The following RERG variants were observed in gnomAD, a reference collection of about 807,000 sequenced individuals.
RERG encodes the protein RAS like estrogen regulated growth inhibitor, also known as ras-related and estrogen-regulated growth inhibitor.
RERG carries 25 observed loss-of-function variants against 23.2 expected under a neutral mutation model. That is an observed-to-expected ratio of 1.08 (90% CI 0.79 to 1.50). The LOEUF is 1.50. Ranked by LOEUF, RERG falls within the 40% of genes most tolerant of loss-of-function variation. The pLI is 0.00. For synonymous variants in RERG, 81 were observed against 89.1 expected (o/e 0.91, Z 0.51); for missense variants, 253 against 250.1 (o/e 1.01, Z -0.08).
At chr12:15,206,367 T>C (rs1363069590) in intron 2 of RERG, among the ~76,000 whole-genome samples, 1 of 152,090 alleles carries the variant, frequency 6.6e-6, no homozygotes, top group Admixed American at 6.6e-5. Context: ...TTTATTACTA[T>C]AGTGTCAGTA....
chr12:15,169,419 G>A (rs1395345136), intron 2 of RERG, among the ~76,000 whole-genome samples: 4 of 152,186 alleles, frequency 2.6e-5, no homozygotes, highest in Non-Finnish European at 5.9e-5. Context: ...CAGAAGCCAA[G>A]AAGAAGGAAG....
In RERG at chr12:15,109,025, G is replaced by T. The variant is rs1408902443; in HGVS notation, c.*85C>A. 1 of 1,281,128 alleles carries T rather than the reference G, an allele frequency of 7.8e-7. No homozygotes were observed. The highest frequency in any genetic ancestry group is 1.5e-5 in the African/African-American group (1 of 67,058). 79.4% of individuals were successfully genotyped at this position (1,281,128 alleles called of 1,614,324 possible). Reference sequence around the variant, plus strand: ...AGACATTTCTCAGAATCCAAACAAAGAATGCAATATTTTGTTTTATTTTTG... The same window carrying T: ...AGACATTTCTCAGAATCCAAACAAATAATGCAATATTTTGTTTTATTTTTG... On this transcript the variant is annotated 3_prime_UTR_variant, in exon 5 of 5. Coordinates refer to ENST00000256953, the MANE Select transcript of RERG (RefSeq NM_032918.3).
intron 2 of RERG, among the ~76,000 whole-genome samples, chr12:15,196,858 TGAAAC>T (rs1326244573): frequency 6.6e-6 from 1 of 152,128 alleles, no homozygotes; most frequent in Non-Finnish European, 1.5e-5. Flanking sequence ...CTGCTGACAC[TGAAAC>T]GAAACAGTCG....
chr12:15,114,480 A>G (rs1382581383), intron 3 of RERG: 1 of 152,154 alleles, frequency 6.6e-6, no homozygotes, highest in Non-Finnish European at 1.5e-5. Flanking sequence ...ACATATATCA[A>G]ATGATGTTCT....
intron 2 of RERG, among the ~76,000 whole-genome samples, chr12:15,179,474 G>A (rs1277088862): frequency 6.6e-6 from 1 of 152,130 alleles, no homozygotes; most frequent in Non-Finnish European, 1.5e-5. Context: ...CCTGCTGGAA[G>A]GCAATCTCCC....
intron 2 of RERG, among the ~76,000 whole-genome samples, chr12:15,207,591 T>C (rs751725603): frequency 5.9e-5 from 9 of 152,262 alleles, no homozygotes; most frequent in Admixed American, 1.3e-4. Flanking sequence ...ATCACAGTTG[T>C]GCTCTGATCT....
chr12:15,212,927 A>G (rs1865388588), intron 2 of RERG, among the ~76,000 whole-genome samples: 1 of 152,236 alleles, frequency 6.6e-6, no homozygotes. Context: ...AAAAGCAGAC[A>G]AGAAAAAGAA....
intron 2 of RERG, chr12:15,154,326 T>G (rs1486291139): frequency 1.3e-5 from 2 of 152,248 alleles, no homozygotes; most frequent in Non-Finnish European, 2.9e-5. Context: ...AACCTCATAC[T>G]GCCATCCACG....
At chr12:15,148,857 T>G (rs1399692472) in intron 2 of RERG, among the ~76,000 whole-genome samples, 8 of 72,976 alleles carry the variant, frequency 1.1e-4, no homozygotes, top group South Asian at 5.8e-4. Context: ...GTTTTTTTTT[T>G]TTTTTTTTTT....
intron 1 of RERG, among the ~76,000 whole-genome samples, chr12:15,218,887 G>C (rs1299989030): frequency 2.6e-5 from 4 of 151,804 alleles, no homozygotes; most frequent in African/African-American, 9.7e-5. Context: ...CTAAAAGCAT[G>C]GTGTCCACTG....
chr12:15,196,783 G>A (rs1865150798), intron 2 of RERG, among the ~76,000 whole-genome samples: 1 of 152,094 alleles, frequency 6.6e-6, no homozygotes, highest in African/African-American at 2.4e-5. Flanking sequence ...TACTAGAGAG[G>A]AAAGGCTATT....
At chr12:15,215,264 T>C (rs7955309) in intron 2 of RERG, among the ~76,000 whole-genome samples, 54,386 of 152,052 alleles carry the variant, frequency 0.36, 10,225 homozygotes, top group African/African-American at 0.48. Flanking sequence ...ATCTTCAGCT[T>C]TGGGTGTGAG....
At chr12:15,121,349 A>G (rs1462247027) in intron 2 of RERG, among the ~76,000 whole-genome samples, 2 of 152,214 alleles carry the variant, frequency 1.3e-5, no homozygotes, top group Non-Finnish European at 2.9e-5. Context: ...TTAGTCAACA[A>G]TTAGATTTGT....
intron 2 of RERG, among the ~76,000 whole-genome samples, chr12:15,174,475 A>AGT (rs35380924): frequency 0.16 from 23,638 of 147,916 alleles, 1,999 homozygotes; most frequent in South Asian, 0.23. Flanking sequence ...GAGTTTGTTG[A>AGT]GTGTGTGTGT....
chr12:15,166,694 ATTG>A (rs1412168465), intron 2 of RERG, among the ~76,000 whole-genome samples: 1 of 151,786 alleles, frequency 6.6e-6, no homozygotes, highest in Non-Finnish European at 1.5e-5. Context: ...GAAAGTATTT[ATTG>A]TTGTTGCTTT....
At chr12:15,135,875 C>T (rs1269213895) in intron 2 of RERG, among the ~76,000 whole-genome samples, 1 of 151,940 alleles carries the variant, frequency 6.6e-6, no homozygotes, top group Non-Finnish European at 1.5e-5. Flanking sequence ...CCCTGTAATA[C>T]CTTTGCCTGC....
intron 2 of RERG, among the ~76,000 whole-genome samples, chr12:15,203,894 A>C (rs1264331542): frequency 5.9e-5 from 9 of 151,726 alleles, no homozygotes; most frequent in Non-Finnish European, 1.5e-5. Context: ...ATTGAGAACT[A>C]TAATACATTG....
At chr12:15,176,792 T>A (rs1239778143) in intron 2 of RERG, among the ~76,000 whole-genome samples, 1 of 152,198 alleles carries the variant, frequency 6.6e-6, no homozygotes, top group East Asian at 1.9e-4. Context: ...TAAAATTTAT[T>A]TAAAGTAGAT....
At chr12:15,219,102 C>T (rs910541872) in intron 1 of RERG, among the ~76,000 whole-genome samples, 11 of 152,140 alleles carry the variant, frequency 7.2e-5, no homozygotes, top group African/African-American at 2.4e-4. Context: ...CACTTTTACC[C>T]GTGTTAATCT....
Sources: gnomAD v4.1 joint callset for allele counts (sites outside exome capture counted in the v4.1 genomes callset) on GRCh38, gnomAD v4.1.1 for gene constraint, MANE v1.5 for transcripts, NCBI Gene and HGNC (gene_info 2026-07-23, HGNC 2026-07-21) for gene names.